LRP1B: variants seen among roughly 807,000 people sequenced by gnomAD.
LRP1B encodes low-density lipoprotein receptor-related protein 1B.
LRP1B carries 217 observed loss-of-function variants against 556.6 expected under a neutral mutation model. The ratio of observed to expected loss-of-function variants is 0.39; its 90% CI spans 0.35 to 0.44. The LOEUF (loss-of-function observed/expected upper bound fraction) is 0.44. Among genes scored for constraint, LRP1B ranks in the 20% least tolerant of loss-of-function variants. LRP1B has a pLI of 1.00. For synonymous variants in LRP1B, 2,047 were observed against 1,865.8 expected (o/e 1.10, Z -2.50); for missense variants, 5,053 against 5,620.8 (o/e 0.90, Z 3.23).
intron 2 of LRP1B, among the ~76,000 whole-genome samples, chr2:141,718,134 GAGAA>G (rs753644656): frequency 2.0e-5 from 3 of 152,166 alleles, no homozygotes; most frequent in Non-Finnish European, 2.9e-5. Flanking sequence ...TGCCAGAGGA[GAGAA>G]AGACTCTTTG....
intron 43 of LRP1B, among the ~76,000 whole-genome samples, chr2:140,590,787 A>C (rs1682191238): frequency 6.6e-6 from 1 of 152,188 alleles, no homozygotes. Context: ...TGTTATGGCA[A>C]ACAGAGCACA....
intron 50 of LRP1B, among the ~76,000 whole-genome samples, chr2:140,516,509 A>G (rs1689907719): frequency 6.6e-6 from 1 of 152,170 alleles, no homozygotes; most frequent in African/African-American, 2.4e-5. Flanking sequence ...AGATACCAAT[A>G]ATAGGTGGGG....
intron 59 of LRP1B, among the ~76,000 whole-genome samples, chr2:140,476,840 A>C (rs948843652): frequency 6.6e-6 from 1 of 152,034 alleles, no homozygotes; most frequent in Non-Finnish European, 1.5e-5. Flanking sequence ...GGTAACACTA[A>C]GTCAATTTCA....
chr2:140,716,960 C>G (rs1353892760), intron 35 of LRP1B, 144 bp from the exon 36 acceptor site: 1 of 408,072 alleles, frequency 2.5e-6, no homozygotes, highest in Admixed American at 4.3e-5. Context: ...GGATAATTTA[C>G]TAATATAAAT....
chr2:140,982,120 A>T (rs756457239), intron 18 of LRP1B, 40 bp downstream of exon 18: 6 of 1,496,454 alleles, frequency 4.0e-6, no homozygotes, highest in Non-Finnish European at 4.7e-6. Context: ...ATCCTATCTG[A>T]CACAATCTGT....
At chr2:140,760,014 A>G (rs553643622) in intron 35 of LRP1B, among the ~76,000 whole-genome samples, 1 of 131,322 alleles carries the variant, frequency 7.6e-6, no homozygotes, top group African/African-American at 3.1e-5. Flanking sequence ...GACACTAGAT[A>G]AAAACTTCAA....
intron 1 of LRP1B, among the ~76,000 whole-genome samples, chr2:141,891,242 G>A (rs745903403): frequency 9.2e-5 from 14 of 152,192 alleles, no homozygotes; most frequent in Non-Finnish European, 1.6e-4. Context: ...AGAGAGAGAA[G>A]GAAAGGTTTC....
chr2:141,829,361 T>C (rs1172284276), intron 1 of LRP1B, among the ~76,000 whole-genome samples: 1 of 152,042 alleles, frequency 6.6e-6, no homozygotes, highest in Non-Finnish European at 1.5e-5. Flanking sequence ...CTAACGCAAA[T>C]ATGAATTACA....
chr2:140,387,932 T>TAC (rs1455420090), intron 66 of LRP1B, among the ~76,000 whole-genome samples: 5 of 145,512 alleles, frequency 3.4e-5, no homozygotes, highest in African/African-American at 1.3e-4. Flanking sequence ...TGCTTGTACT[T>TAC]TCTTTTTTTT....
intron 1 of LRP1B, among the ~76,000 whole-genome samples, chr2:141,975,581 C>A (rs932017406): frequency 1.3e-5 from 2 of 152,094 alleles, no homozygotes; most frequent in Non-Finnish European, 2.9e-5. Flanking sequence ...GACCCTTCAG[C>A]TGTAATGTGT....
intron 5 of LRP1B, among the ~76,000 whole-genome samples, chr2:141,238,629 A>G (rs1683746057): frequency 6.6e-6 from 1 of 152,146 alleles, no homozygotes; most frequent in Admixed American, 6.6e-5. Context: ...GTAAACAAAT[A>G]TGAATATTGT....
intron 83 of LRP1B, among the ~76,000 whole-genome samples, chr2:140,309,175 G>C (rs1302505482): frequency 6.6e-6 from 1 of 151,822 alleles, no homozygotes; most frequent in African/African-American, 2.4e-5. Flanking sequence ...GACTATAGCT[G>C]TCAGGTTTTC....
At chr2:141,833,717 C>CA (rs1330528522) in intron 1 of LRP1B, among the ~76,000 whole-genome samples, 3 of 151,008 alleles carry the variant, frequency 2.0e-5, no homozygotes, top group Admixed American at 1.3e-4. Context: ...TCCTAACTCA[C>CA]AAAAAACATT....
chr2:142,093,640 C>A (rs1267318331), intron 1 of LRP1B, among the ~76,000 whole-genome samples: 2 of 151,906 alleles, frequency 1.3e-5, no homozygotes, highest in East Asian at 3.9e-4. Context: ...ACCGGATTTC[C>A]AAGAAAGTGT....
At chr2:140,777,605 G>A (rs960953351) in intron 32 of LRP1B, among the ~76,000 whole-genome samples, 52 of 152,138 alleles carry the variant, frequency 3.4e-4, no homozygotes, top group Non-Finnish European at 1.3e-4. Flanking sequence ...AGGATCTCCA[G>A]CTCAATGGGA....
intron 3 of LRP1B, among the ~76,000 whole-genome samples, chr2:141,409,736 G>A (rs1690780879): frequency 6.6e-6 from 1 of 151,874 alleles, no homozygotes; most frequent in Admixed American, 6.6e-5. Flanking sequence ...TAGTAATAAG[G>A]CCATAAAAAA....
chr2:141,314,238 C>A (rs764652435), intron 3 of LRP1B, among the ~76,000 whole-genome samples: 3 of 152,134 alleles, frequency 2.0e-5, no homozygotes, highest in African/African-American at 2.4e-5. Context: ...TCAGGTAAGA[C>A]TTTCCCTAAG....
At chr2:141,350,128 C>T (rs898619992) in intron 3 of LRP1B, among the ~76,000 whole-genome samples, 1 of 152,062 alleles carries the variant, frequency 6.6e-6, no homozygotes, top group African/African-American at 2.4e-5. Context: ...GGAAGACTCA[C>T]CCCCGTGATT....
At chr2:141,579,724 C>CTTTTTTTTTTTTTTATTTTTTTTTTTTT (rs1686893095) in intron 2 of LRP1B, among the ~76,000 whole-genome samples, 1 of 101,002 alleles carries the variant, frequency 9.9e-6, no homozygotes, top group Non-Finnish European at 1.8e-5. Flanking sequence ...TCAGGTTTCA[C>CTTTTTTTTTTTTTTATTTTTTTTTTTTT]TTTTTTTTTT....
Sources: gnomAD v4.1 joint callset for allele counts (sites outside exome capture counted in the v4.1 genomes callset) on GRCh38, gnomAD v4.1.1 for gene constraint, MANE v1.5 for transcripts, NCBI Gene and HGNC (gene_info 2026-07-23, HGNC 2026-07-21) for gene names.